GALNT17: variants seen among roughly 807,000 people sequenced by gnomAD.
The protein encoded by GALNT17 is UDP-GalNAc:polypeptide N-acetylgalactosaminyltransferase-like 3.
GALNT17 carries 29 observed loss-of-function variants against 63.7 expected under a neutral mutation model. That is an observed-to-expected ratio of 0.46 (90% CI 0.34 to 0.62). The LOEUF (loss-of-function observed/expected upper bound fraction) is 0.62. Among genes scored for constraint, GALNT17 ranks in the 20% least tolerant of loss-of-function variants. The probability of loss-of-function intolerance (pLI) is 0.01; values close to 1 mark genes in which losing one functional copy is unlikely to be tolerated. For synonymous variants in GALNT17, 305 were observed against 318.3 expected (o/e 0.96, Z 0.45); for missense variants, 603 against 799.6 (o/e 0.75, Z 2.97).
At chr7:71,457,998 T>C (rs1470049805) in intron 5 of GALNT17, among the ~76,000 whole-genome samples, 1 of 152,084 alleles carries the variant, frequency 6.6e-6, no homozygotes, top group Non-Finnish European at 1.5e-5. Flanking sequence ...CTTCCTTTCC[T>C]CTACCACTCT....
intron 3 of GALNT17, among the ~76,000 whole-genome samples, chr7:71,406,408 A>G (rs988215131): frequency 1.3e-5 from 2 of 152,062 alleles, no homozygotes; most frequent in African/African-American, 2.4e-5. Context: ...TGGAGAACTT[A>G]CAAAAGTAAG....
At chr7:71,370,711 G>C (rs914200989) in intron 2 of GALNT17, among the ~76,000 whole-genome samples, 3 of 151,890 alleles carry the variant, frequency 2.0e-5, no homozygotes, top group African/African-American at 7.3e-5. Flanking sequence ...CAATTGATCT[G>C]CCCACCTCAG....
chr7:71,394,833 G>A (rs1793109283), intron 3 of GALNT17, among the ~76,000 whole-genome samples: 1 of 152,140 alleles, frequency 6.6e-6, no homozygotes, highest in African/African-American at 2.4e-5. Flanking sequence ...CAGGCACTGT[G>A]GCTCACACCT....
At position 71,464,394 on chromosome 7, in the gene GALNT17, A is replaced by G. The variant is rs115921953; in HGVS notation, c.962+43289A>G. Among the ~76,000 whole-genome samples the G allele has an allele frequency of 4.0e-3, 603 of 152,266 alleles. 3 individuals carry two copies. The highest frequency in any genetic ancestry group is 0.014 in the African/African-American group (565 of 41,558). On this transcript the variant is annotated intron_variant, in intron 5 of 10. Transcript: ENST00000333538. The stretch of plus-strand genomic sequence containing the variant: ...AAGTGGGATCAGAGGAGCCTAACCA[A>G]GGATTGGTCAAGGAGAGCATCTTTG...
chr7:71,245,180 C>T (rs998905256), intron 1 of GALNT17, among the ~76,000 whole-genome samples: 1 of 152,098 alleles, frequency 6.6e-6, no homozygotes, highest in East Asian at 1.9e-4. Flanking sequence ...TCCATCCACT[C>T]GCTTGGTGGA....
intron 1 of GALNT17, among the ~76,000 whole-genome samples, chr7:71,212,621 G>C (rs1332694069): frequency 1.3e-5 from 2 of 152,090 alleles, no homozygotes; most frequent in South Asian, 2.1e-4. Context: ...GCAGCCAGGA[G>C]GGGGGGCTAT....
intron 6 of GALNT17, among the ~76,000 whole-genome samples, chr7:71,621,604 A>G (rs1790296965): frequency 8.4e-6 from 1 of 119,182 alleles, no homozygotes; most frequent in Admixed American, 9.4e-5. Flanking sequence ...GACAATGGAT[A>G]AAAATAATAA....
intron 1 of GALNT17, among the ~76,000 whole-genome samples, chr7:71,281,124 G>T (rs954661203): frequency 7.2e-5 from 11 of 152,152 alleles, no homozygotes; most frequent in African/African-American, 2.7e-4. Context: ...AGCTGTCAGA[G>T]GTAGAAGAAA....
At chr7:71,477,838 C>G (rs1787750171) in intron 5 of GALNT17, among the ~76,000 whole-genome samples, 1 of 152,172 alleles carries the variant, frequency 6.6e-6, no homozygotes, top group Non-Finnish European at 1.5e-5. Flanking sequence ...CTATTCAGAC[C>G]TTGTTAGAAA....
At chr7:71,167,704 G>T (rs1014132995) in intron 1 of GALNT17, among the ~76,000 whole-genome samples, 4 of 151,906 alleles carry the variant, frequency 2.6e-5, no homozygotes, top group South Asian at 4.1e-4. Flanking sequence ...TATTTTTTTT[G>T]AGATGGAGTC....
chr7:71,137,548 G>T (rs1028399917), intron 1 of GALNT17, among the ~76,000 whole-genome samples: 1 of 152,158 alleles, frequency 6.6e-6, no homozygotes, highest in Non-Finnish European at 1.5e-5. Flanking sequence ...CTAGTTTGAG[G>T]AGGTAAATGA....
At chr7:71,472,123 T>A (rs1283642272) in intron 5 of GALNT17, among the ~76,000 whole-genome samples, 1 of 152,078 alleles carries the variant, frequency 6.6e-6, no homozygotes, top group Non-Finnish European at 1.5e-5. Flanking sequence ...TGGCCCCTTC[T>A]CCCTGTATCA....
chr7:71,370,626 A>C (rs886188652), intron 2 of GALNT17, among the ~76,000 whole-genome samples: 1 of 151,898 alleles, frequency 6.6e-6, no homozygotes, highest in African/African-American at 2.4e-5. Context: ...CTGGGATTAC[A>C]TGCCCTAATT....
intron 2 of GALNT17, among the ~76,000 whole-genome samples, chr7:71,385,164 A>G (rs917110): frequency 0.55 from 82,940 of 151,770 alleles, 23,293 homozygotes; most frequent in Non-Finnish European, 0.59. Context: ...CCTGCAGATC[A>G]GCCACACAGT....
chr7:71,553,633 A>C (rs1248227743), intron 5 of GALNT17, among the ~76,000 whole-genome samples: 1 of 152,180 alleles, frequency 6.6e-6, no homozygotes, highest in South Asian at 2.1e-4. Flanking sequence ...CCTGTAACAC[A>C]ATTTAAATTT....
intron 5 of GALNT17, among the ~76,000 whole-genome samples, chr7:71,491,625 A>G (rs1016844359): frequency 7.9e-5 from 12 of 152,184 alleles, no homozygotes; most frequent in Admixed American, 3.9e-4. Flanking sequence ...GTCCATCCTG[A>G]TGCAATCAGA....
intron 5 of GALNT17, among the ~76,000 whole-genome samples, chr7:71,432,132 G>C (rs533766341): frequency 5.5e-4 from 83 of 151,966 alleles, no homozygotes; most frequent in African/African-American, 2.0e-3. Context: ...CCGAGATCAC[G>C]CCATTGCACT....
At chr7:71,379,473 T>C (rs1455990393) in intron 2 of GALNT17, among the ~76,000 whole-genome samples, 1 of 152,000 alleles carries the variant, frequency 6.6e-6, no homozygotes, top group Non-Finnish European at 1.5e-5. Context: ...GGGATGGGGT[T>C]GGAGGCAAGG....
At chr7:71,229,143 G>A (rs925955810) in intron 1 of GALNT17, among the ~76,000 whole-genome samples, 4 of 152,202 alleles carry the variant, frequency 2.6e-5, no homozygotes, top group Non-Finnish European at 2.9e-5. Flanking sequence ...TTGTGACAGC[G>A]TGATTCTTGG....
Sources: allele counts gnomAD v4.1 joint callset (sites outside exome capture counted in the v4.1 genomes callset), GRCh38; gene constraint gnomAD v4.1.1; transcripts MANE v1.5; gene names NCBI Gene and HGNC (gene_info 2026-07-23, HGNC 2026-07-21).